Variants in NQO2 observed in about 807,000 individuals in gnomAD.
The protein encoded by NQO2 is ribosyldihydronicotinamide dehydrogenase [quinone].
Under a neutral mutation model 22.0 loss-of-function variants are expected in NQO2, and 18 were observed. The ratio of observed to expected loss-of-function variants is 0.82; its 90% CI spans 0.56 to 1.21. The LOEUF is 1.21. Ranked by LOEUF, NQO2 falls within the 50% of genes most tolerant of loss-of-function variation. The pLI, the probability that NQO2 is intolerant of heterozygous loss-of-function variation, is 0.00. For missense variants in NQO2, 267 were observed against 286.9 expected (o/e 0.93, Z 0.50); for synonymous variants, 106 against 110.8 (o/e 0.96, Z 0.28).
At chr6:3,014,367 G>A (rs1757254158) in intron 4 of NQO2, among the ~76,000 whole-genome samples, 1 of 152,146 alleles carries the variant, frequency 6.6e-6, no homozygotes, top group East Asian at 1.9e-4. Context: ...AGGTGACCAT[G>A]TGGTTTACCA....
intron 1 of NQO2, chr6:3,004,719 T>C: frequency 1.1e-6 from 1 of 882,850 alleles, no homozygotes; most frequent in Non-Finnish European, 1.4e-6. Flanking sequence ...CACTGATAGG[T>C]TCACGTTGTC....
chr6:3,008,479 G>A (rs1246437965), intron 2 of NQO2, among the ~76,000 whole-genome samples: 1 of 152,118 alleles, frequency 6.6e-6, no homozygotes, highest in Non-Finnish European at 1.5e-5. Flanking sequence ...GCCAAGTGCG[G>A]TGGCTCATGC....
At chr6:3,017,035 G>GACACAC in intron 6 of NQO2, 50 bp downstream of exon 6, 1 of 1,595,338 alleles carries the variant, frequency 6.3e-7, no homozygotes, top group Non-Finnish European at 8.5e-7. Context: ...CGCACACACA[G>GACACAC]ACACACACAT....
intron 1 of NQO2, among the ~76,000 whole-genome samples, chr6:3,001,079 CCTTT>C (rs1756687649): frequency 1.5e-5 from 2 of 135,752 alleles, no homozygotes; most frequent in Admixed American, 7.9e-5. Flanking sequence ...CATTCTTCTT[CCTTT>C]CTTTTTCTTT....
intron 2 of NQO2, among the ~76,000 whole-genome samples, chr6:3,008,424 A>G (rs943295129): frequency 1.7e-4 from 26 of 149,022 alleles, no homozygotes; most frequent in Admixed American, 9.4e-4. Context: ...AAAAAAAAAA[A>G]AAAGAAAAAG....
At chr6:3,003,120 C>T (rs886323981) in intron 1 of NQO2, among the ~76,000 whole-genome samples, 1 of 152,230 alleles carries the variant, frequency 6.6e-6, no homozygotes, top group African/African-American at 2.4e-5. Context: ...TGACTGTCCA[C>T]CAGGGCACTG....
chr6:3,006,622 C>A lies in NQO2; in HGVS notation c.7+63C>A. On this transcript the variant is annotated intron_variant, in intron 2 of 6. Transcript: ENST00000380455. This position sits in a 1 kb window ranked among gnomAD's most constrained non-coding sequence, Gnocchi z 4.0. ...TTTGAGATGGGATTTTGTTGTATTGCCCAGGCTGGTCTCAAACTCCTGAGC... is the reference window on the plus strand; with the variant it reads ...TTTGAGATGGGATTTTGTTGTATTGACCAGGCTGGTCTCAAACTCCTGAGC... 1.3e-6 allele frequency: 2 copies of A among 1,501,116 alleles called. No homozygotes were observed. The highest frequency in any genetic ancestry group is 1.4e-5 in the African/African-American group (1 of 71,056). 93.0% of individuals were successfully genotyped at this position (1,501,116 alleles called of 1,614,324 possible).
chr6:3,004,299 T>G (rs2756075), intron 1 of NQO2: 20 of 981,472 alleles, frequency 2.0e-5, no homozygotes, highest in Non-Finnish European at 2.4e-5. Flanking sequence ...ATTCAGTCAC[T>G]AAAGATGCAG....
intron 6 of NQO2, 41 bp from the exon 7 acceptor site, chr6:3,019,436 GGT>G: frequency 1.3e-6 from 2 of 1,578,990 alleles, no homozygotes; most frequent in Non-Finnish European, 1.7e-6. Flanking sequence ...GTATGTAACA[GGT>G]GTAGTTTCTA....
chr6:3,016,821 G>T, intron 5 of NQO2, 63 bp from the exon 6 acceptor site: 1 of 1,589,558 alleles, frequency 6.3e-7, no homozygotes. Context: ...TGTGCTGGAG[G>T]CTCAGCAACA....
chr6:3,007,720 G>A (rs1166726044), intron 2 of NQO2, among the ~76,000 whole-genome samples: 1 of 152,232 alleles, frequency 6.6e-6, no homozygotes, highest in African/African-American at 2.4e-5. Flanking sequence ...TCTTCCTAGA[G>A]TCCTCTTTGT....
chr6:3,002,720 C>T (rs1756777346), intron 1 of NQO2, among the ~76,000 whole-genome samples: 1 of 152,042 alleles, frequency 6.6e-6, no homozygotes, highest in South Asian at 2.1e-4. Context: ...CCTCCCACCT[C>T]CCTGACTGCA....
intron 1 of NQO2, chr6:3,000,288 C>T (rs112117833): frequency 1.6e-4 from 25 of 152,460 alleles, no homozygotes; most frequent in African/African-American, 5.5e-4. Flanking sequence ...GTCGAATCGT[C>T]TGGTGGAATC....
chr6:3,011,140 C>T (rs531901270), intron 3 of NQO2, among the ~76,000 whole-genome samples: 87 of 152,260 alleles, frequency 5.7e-4, no homozygotes, highest in Middle Eastern at 3.4e-3. Context: ...CCTAACGAGA[C>T]GGCACTGTTT....
chr6:3,007,948 G>A (rs1474652943), intron 2 of NQO2, among the ~76,000 whole-genome samples: 2 of 152,216 alleles, frequency 1.3e-5, no homozygotes, highest in East Asian at 1.9e-4. Context: ...TTGGTGTTAG[G>A]GAGCTGGTCT....
intron 3 of NQO2, among the ~76,000 whole-genome samples, chr6:3,012,248 T>A (rs1347340180): frequency 6.6e-6 from 1 of 152,242 alleles, no homozygotes; most frequent in East Asian, 1.9e-4. Flanking sequence ...CCAGCCTCTC[T>A]TGGGTGTCAG....
chr6:3,008,070 T>G (rs991093456), intron 2 of NQO2, among the ~76,000 whole-genome samples: 1 of 152,234 alleles, frequency 6.6e-6, no homozygotes, highest in African/African-American at 2.4e-5. Context: ...GAGCTATGAA[T>G]AACTGGATTT....
chr6:3,008,610 G>T (rs1031855884), intron 2 of NQO2, among the ~76,000 whole-genome samples: 1 of 152,202 alleles, frequency 6.6e-6, no homozygotes, highest in South Asian at 2.1e-4. Flanking sequence ...AATTAGCTGG[G>T]CGTAGTGGCA....
At chr6:3,015,004 C>A in intron 4 of NQO2, 1 of 939,860 alleles carries the variant, frequency 1.1e-6, no homozygotes, top group Non-Finnish European at 1.5e-6. Context: ...TATTTCCCTT[C>A]CCAGGCGGTA....
Sources: gnomAD v4.1 joint callset for allele counts (sites outside exome capture counted in the v4.1 genomes callset) on GRCh38, gnomAD v4.1.1 for gene constraint, Gnocchi (gnomAD v3.1) non-coding constraint, MANE v1.5 for transcripts, NCBI Gene and HGNC (gene_info 2026-07-23, HGNC 2026-07-21) for gene names.